The following AZIN1 variants were observed in gnomAD, a reference collection of about 807,000 sequenced individuals.
The protein encoded by AZIN1 is ornithine decarboxylase antizyme inhibitor.
Under a neutral mutation model 47.4 loss-of-function variants are expected in AZIN1, and 12 were observed. The ratio of observed to expected loss-of-function variants is 0.25; its 90% CI spans 0.16 to 0.41. AZIN1 has a LOEUF of 0.41. Ranked by LOEUF, AZIN1 falls within the 10% of genes least tolerant of loss-of-function variation. The pLI, the probability that AZIN1 is intolerant of heterozygous loss-of-function variation, is 1.00. For synonymous variants in AZIN1, 155 were observed against 176.3 expected, an observed-to-expected ratio of 0.88 and a Z score of 0.96; for missense variants, 410 against 532.4, an observed-to-expected ratio of 0.77 and a Z score of 2.26.
At chr8:102,851,288 C>T (rs1409000790) in intron 2 of AZIN1, among the ~76,000 whole-genome samples, 2 of 152,208 alleles carry the variant, frequency 1.3e-5, no homozygotes, top group African/African-American at 4.8e-5. Flanking sequence ...TAAAGAGACA[C>T]ACTATTTTGG....
intron 1 of AZIN1, among the ~76,000 whole-genome samples, chr8:102,861,125 G>GTT (rs1336683575): frequency 1.3e-5 from 2 of 152,112 alleles, no homozygotes; most frequent in Non-Finnish European, 2.9e-5. Flanking sequence ...CTGTAATAAC[G>GTT]TAAGATGTTA....
chr8:102,828,528 A>T lies in AZIN1; in HGVS notation c.*39T>A, dbSNP rs771096872. ...ACTGGAATGTTGACCAGACAAGCTT[A>T]ACCTGCAACTTCAGATCTAAAGAAG... On this transcript the variant is annotated 3_prime_UTR_variant, in exon 12 of 12. Coordinates refer to ENST00000337198, the MANE Select transcript of AZIN1 (RefSeq NM_148174.4). 3 of 1,361,882 alleles carry T rather than the reference A, an allele frequency of 2.2e-6. No individual in the cohort carries two copies. Among genetic ancestry groups the T allele is most frequent in the East Asian group, 2.3e-5 (1 of 42,896 alleles). 84.4% of individuals were successfully genotyped at this position (1,361,882 alleles called of 1,614,324 possible).
chr8:102,859,942 T>C (rs1257639867), intron 1 of AZIN1, among the ~76,000 whole-genome samples: 1 of 152,196 alleles, frequency 6.6e-6, no homozygotes, highest in Non-Finnish European at 1.5e-5. Context: ...CCCAGGAATT[T>C]GAGTCCAGCC....
intron 1 of AZIN1, among the ~76,000 whole-genome samples, chr8:102,860,106 T>A (rs1813536481): frequency 6.6e-6 from 1 of 152,206 alleles, no homozygotes; most frequent in Non-Finnish European, 1.5e-5. Context: ...GAAGGACTTG[T>A]TAAATGGAAA....
chr8:102,847,840 C>T (rs1309316335), intron 2 of AZIN1, among the ~76,000 whole-genome samples: 1 of 152,150 alleles, frequency 6.6e-6, no homozygotes, highest in Non-Finnish European at 1.5e-5. Context: ...AGCAATCCTC[C>T]CACCATGGCC....
chr8:102,833,487 A>AT (rs1253877417), intron 8 of AZIN1, among the ~76,000 whole-genome samples: 5 of 151,624 alleles, frequency 3.3e-5, no homozygotes, highest in Admixed American at 3.3e-4. Context: ...TTTTTAAGTC[A>AT]TTTTTCTATA....
chr8:102,841,376 C>A (rs868399434), intron 3 of AZIN1, among the ~76,000 whole-genome samples: 27 of 152,180 alleles, frequency 1.8e-4, no homozygotes, highest in Middle Eastern at 3.4e-3. Flanking sequence ...TGCTACTAAA[C>A]GTGGGTTAAT....
intron 3 of AZIN1, among the ~76,000 whole-genome samples, chr8:102,843,288 C>A (rs1812341576): frequency 1.3e-5 from 2 of 150,548 alleles, no homozygotes; most frequent in South Asian, 4.2e-4. Context: ...ATCACATCAA[C>A]AGAATAAACA....
chr8:102,843,200 G>A (rs756557173), intron 3 of AZIN1, among the ~76,000 whole-genome samples: 25 of 114,220 alleles, frequency 2.2e-4, no homozygotes, highest in Admixed American at 8.0e-4. Flanking sequence ...CGTGAGACTC[G>A]TCTCCAAAAA....
At chr8:102,832,837 C>A (rs1283075150) in intron 9 of AZIN1, among the ~76,000 whole-genome samples, 1 of 151,936 alleles carries the variant, frequency 6.6e-6, no homozygotes, top group African/African-American at 2.4e-5. Flanking sequence ...GATGGGGTTT[C>A]CACCATATTG....
intron 3 of AZIN1, among the ~76,000 whole-genome samples, chr8:102,841,849 G>A (rs1010350917): frequency 1.1e-3 from 163 of 148,794 alleles, no homozygotes; most frequent in African/African-American, 3.8e-3. Context: ...GGTGGCTCGC[G>A]CCTGTAATCC....
In AZIN1 at chr8:102,828,413, C is replaced by G. The variant is rs1032698549; in HGVS notation, c.*154G>C. 31 of 497,562 alleles carry G rather than the reference C, an allele frequency of 6.2e-5. No homozygotes were observed. The Admixed American group carries it at 8.6e-4, about 14-fold the overall frequency. The allele number at this position is 497,562 out of a possible 1,614,324, so 30.8% of individuals were successfully genotyped here. ...ATCCCCAATGAATTATAGATGAAAG[C>G]TGATTTTGTCTGGTCCCAAATAGCT... On this transcript the variant is annotated 3_prime_UTR_variant, in exon 12 of 12. Transcript: ENST00000337198.
intron 3 of AZIN1, 136 bp downstream of exon 3, chr8:102,843,415 G>T (rs963502800): frequency 3.4e-5 from 23 of 673,296 alleles, no homozygotes; most frequent in Non-Finnish European, 5.5e-5. Context: ...GAGTGGGTGT[G>T]GGGGAGGAAG....
chr8:102,829,434 C>T lies in AZIN1; in HGVS notation c.1073G>A (p.Cys358Tyr), dbSNP rs369356623. 9.3e-6 allele frequency: 15 copies of T among 1,613,926 alleles called. No homozygotes were observed. The highest frequency in any genetic ancestry group is 4.0e-5 in the African/African-American group (3 of 74,942). Residue 358 changes from cysteine (C) to tyrosine (Y), a missense_variant, in exon 11 of 12, where the codon TGT (cysteine) becomes TAT (tyrosine). By Grantham distance (194) the Cys-to-Tyr change is radical. Transcript: ENST00000337198. Reference sequence around the variant, plus strand: ...TTCCACAATTTGATCAAGCTCATCACAGGATGGACCCCAAAGGCTGCTTGT... The same window carrying T: ...TTCCACAATTTGATCAAGCTCATCATAGGATGGACCCCAAAGGCTGCTTGT... ...LFTSSLWGPSCDELDQIVESC... is the reference protein window; with the variant it reads ...LFTSSLWGPSYDELDQIVESC...
In AZIN1 at chr8:102,856,094, T is replaced by TTG. The variant is rs1491394997; in HGVS notation, c.-96+1918_-96+1919insCA. ...ACAGATCCAGGTCAAGTTTTTTTTG[T>TTG]TTTTTTTTTTTTTTCCCAAATCAGT... On this transcript the variant is annotated intron_variant, in intron 2 of 11. Transcript: ENST00000337198. 43 of 102,102 alleles carry TTG rather than the reference T, an allele frequency of 4.2e-4. 1 individual carries two copies. The highest frequency in any genetic ancestry group is 2.8e-3 in the African/African-American group (42 of 14,942). 6.3% of individuals were successfully genotyped at this position (102,102 alleles called of 1,614,324 possible).
intron 2 of AZIN1, among the ~76,000 whole-genome samples, chr8:102,856,274 A>T (rs1465225428): frequency 6.6e-6 from 1 of 152,154 alleles, no homozygotes; most frequent in African/African-American, 2.4e-5. Flanking sequence ...TATTTAAAGA[A>T]GTTATATTTG....
intron 8 of AZIN1, 59 bp downstream of exon 8, chr8:102,834,130 A>G: frequency 7.2e-7 from 1 of 1,384,978 alleles, no homozygotes; most frequent in Non-Finnish European, 1.0e-6. Flanking sequence ...CTACACATCC[A>G]CCACTTAAGT....
chr8:102,845,014 T>A (rs1204500292), intron 2 of AZIN1, among the ~76,000 whole-genome samples: 1 of 152,240 alleles, frequency 6.6e-6, no homozygotes, highest in Non-Finnish European at 1.5e-5. Flanking sequence ...CCAGACAGGA[T>A]ACTACTCAAT....
At chr8:102,836,219 A>G in intron 6 of AZIN1, 37 bp downstream of exon 6, 1 of 1,591,962 alleles carries the variant, frequency 6.3e-7, no homozygotes, top group Non-Finnish European at 8.6e-7. Flanking sequence ...CCACCATAAA[A>G]TGTTCACAGC....
Sources: allele counts gnomAD v4.1 joint callset (sites outside exome capture counted in the v4.1 genomes callset), GRCh38; gene constraint gnomAD v4.1.1; transcripts MANE v1.5; gene names NCBI Gene and HGNC (gene_info 2026-07-23, HGNC 2026-07-21).